The following C17orf99 variants were observed in gnomAD, a reference collection of about 807,000 sequenced individuals.
C17orf99 encodes protein IL-40.
In C17orf99, 18 loss-of-function variants were observed where a neutral mutation model predicts 22.6. That is an observed-to-expected ratio of 0.80 (90% CI 0.55 to 1.18). The LOEUF is 1.18. C17orf99 is among the 50% of genes most tolerant of loss of function. The pLI is 0.00. For synonymous variants in C17orf99, 147 were observed against 136.6 expected, an observed-to-expected ratio of 1.08 and a Z score of -0.53; for missense variants, 328 against 342.7, an observed-to-expected ratio of 0.96 and a Z score of 0.34.
rs1472932189 is a variant in C17orf99, at chr17:78,155,586, GT to G, written c.71-5368del. ...CCCGCCTTGGCCTCCCAAAGTGCTG[GT>G]ATTACGGGCCTGAGCTACTGTGCCC... On this transcript the variant is annotated intron_variant, in intron 2 of 4. Transcript: ENST00000340363. 7.2e-5 allele frequency among the ~76,000 whole-genome samples: 11 copies of G among 152,100 alleles called. No individual in the cohort carries two copies. In the East Asian group the frequency reaches 2.1e-3, roughly 29 times the overall value.
intron 2 of C17orf99, among the ~76,000 whole-genome samples, chr17:78,160,446 G>T (rs948713380): frequency 2.0e-5 from 3 of 151,104 alleles, no homozygotes; most frequent in South Asian, 4.2e-4. Context: ...TGAAGCAGGA[G>T]AATCACTTGA....
chr17:78,166,098 T>G lies in C17orf99; in HGVS notation c.*52T>G. The G allele has an allele frequency of 1.8e-6, 1 of 541,304 alleles. No individual in the cohort carries two copies. The highest frequency in any genetic ancestry group is 2.8e-6 in the Non-Finnish European group (1 of 352,268). The allele number at this position is 541,304 out of a possible 1,614,324, so 33.5% of individuals were successfully genotyped here. On this transcript the variant is annotated 3_prime_UTR_variant, in exon 5 of 5. Coordinates refer to ENST00000340363, the MANE Select transcript of C17orf99 (RefSeq NM_001163075.2). ...GGCAGAGGACTGCAGGCCATCAGCG[T>G]GCACTGTTCGTATTTGGAGTTCATG...
chr17:78,164,243 A>G lies in C17orf99; in HGVS notation c.519A>G (p.Arg173=). The change falls in exon 4 of 5, where the codon AGA becomes AGG. Residue 173 remains arginine (R), a synonymous_variant. Transcript: ENST00000340363. ...ATGGGCAGGTCCACCTGCAGCAGAG[A>G]CCATGCCACAGGCAGCCTGCCAACT... is the stretch of plus-strand genomic sequence containing the variant. ...GKDGQVHLQQ[R]PCHRQPANFS... 2 of 1,551,540 alleles carry G rather than the reference A, an allele frequency of 1.3e-6. No individual in the cohort carries two copies. Among genetic ancestry groups the G allele is most frequent in the Non-Finnish European group, 1.7e-6 (2 of 1,147,006 alleles).
At chr17:78,165,182 G>C in intron 4 of C17orf99, 1 of 994,184 alleles carries the variant, frequency 1.0e-6, no homozygotes, top group Non-Finnish European at 1.2e-6. Flanking sequence ...AGGCCTGTGT[G>C]CTCTGCCTGT....
Position 78,166,009 on chromosome 17 carries a change from A to G in C17orf99, c.761A>G (p.Asn254Ser). 1 of 1,469,158 alleles carries G rather than the reference A, an allele frequency of 6.8e-7. No individual in the cohort carries two copies. Among genetic ancestry groups the G allele is most frequent in the South Asian group, 1.4e-5 (1 of 70,756 alleles). 91.0% of individuals were successfully genotyped at this position (1,469,158 alleles called of 1,614,324 possible). A position where few individuals can be genotyped will look rare whatever the true frequency, so the allele number is the denominator to read the frequency against. The change falls in exon 5 of 5, where the codon AAT becomes AGT. Residue 254 changes from asparagine (N) to serine (S), a missense_variant. Transcript: ENST00000340363. ...GAGTTTGGGGGGTTCAGGATAGGGA[A>G]TGGGGAGGTCAGAGGACGCAAAGCA... Reference protein sequence around the residue: ...EEEFGGFRIGNGEVRGRKAAA... With the variant: ...EEEFGGFRIGSGEVRGRKAAA...
chr17:78,157,970 A>C, intron 2 of C17orf99: 1 of 1,234,108 alleles, frequency 8.1e-7, no homozygotes, highest in Non-Finnish European at 1.2e-6. Context: ...CTGCCTGTCA[A>C]CTCATAACAT....
At chr17:78,153,918 CTTTTTTT>C (rs532705146) in intron 2 of C17orf99, among the ~76,000 whole-genome samples, 11,307 of 79,794 alleles carry the variant, frequency 0.14, 560 homozygotes, top group East Asian at 0.25. Context: ...AGTATTCCTT[CTTTTTTT>C]TTTTTTTTTT....
rs960873528 is a variant in C17orf99, at chr17:78,160,916, C to T, written c.71-39C>T. 15 of 1,498,528 alleles carry T rather than the reference C, an allele frequency of 1.0e-5. No homozygotes were observed. In the Admixed American group the frequency reaches 1.0e-4, roughly 10 times the overall value. The allele number at this position is 1,498,528 out of a possible 1,614,324, so 92.8% of individuals were successfully genotyped here. On this transcript the variant is annotated intron_variant, in intron 2 of 4. Coordinates refer to ENST00000340363, the MANE Select transcript of C17orf99 (RefSeq NM_001163075.2). ...CCTTCTTAAGGTGCTTGATCAATGT[C>T]GGTTTCTTTCTTCCTCCTTGGACCT...
intron 2 of C17orf99, among the ~76,000 whole-genome samples, chr17:78,152,902 T>G (rs966870902): frequency 6.8e-6 from 1 of 146,138 alleles, no homozygotes; most frequent in Admixed American, 6.8e-5. Context: ...GCCAACATGG[T>G]GAAACCCCAT....
At chr17:78,164,500 G>A (rs1368271491) in intron 4 of C17orf99, 136 bp downstream of exon 4, 4 of 1,539,666 alleles carry the variant, frequency 2.6e-6, no homozygotes, top group Non-Finnish European at 2.6e-6. Context: ...GGCACAGGAG[G>A]CAACCATGCC....
chr17:78,148,664 C>T (rs984560253), intron 2 of C17orf99, among the ~76,000 whole-genome samples: 3 of 152,134 alleles, frequency 2.0e-5, no homozygotes, highest in East Asian at 1.9e-4. Flanking sequence ...AGCAAGGACC[C>T]GAAGGAGCCG....
Position 78,157,595 on chromosome 17 carries a change from G to A in C17orf99, c.71-3360G>A, listed in dbSNP as rs193121657. 876 of 559,946 alleles carry A rather than the reference G, an allele frequency of 1.6e-3. 2 individuals carry two copies. The highest frequency in any genetic ancestry group is 2.1e-3 in the Non-Finnish European group (735 of 342,020). The allele number at this position is 559,946 out of a possible 1,614,324, so 34.7% of individuals were successfully genotyped here. A position where few individuals can be genotyped will look rare whatever the true frequency, so the allele number is the denominator to read the frequency against. Reference sequence around the variant, plus strand: ...AGGCGGATCACAAGGTCAGGAGATCGAAACCATCCTGGCTAAAATGGTGAA... The same window carrying A: ...AGGCGGATCACAAGGTCAGGAGATCAAAACCATCCTGGCTAAAATGGTGAA... On this transcript the variant is annotated intron_variant, in intron 2 of 4. Transcript: ENST00000340363.
chr17:78,157,488 C>A (rs2075535962), intron 2 of C17orf99: 1 of 1,263,908 alleles, frequency 7.9e-7, no homozygotes, highest in East Asian at 3.1e-5. Context: ...CCAATGCAGT[C>A]CTCAGCATTG....
intron 2 of C17orf99, chr17:78,158,894 C>T (rs1478426792): frequency 6.2e-6 from 1 of 162,082 alleles, no homozygotes; most frequent in Non-Finnish European, 1.5e-5. Context: ...CTGGTCTGGT[C>T]CCCTGTTACC....
chr17:78,158,110 G>T, intron 2 of C17orf99: 2 of 891,486 alleles, frequency 2.2e-6, no homozygotes, highest in South Asian at 1.3e-5. Flanking sequence ...TTGGCAAAGA[G>T]ACTGAGCAGA....
At chr17:78,162,077 AC>A (rs996616191) in intron 3 of C17orf99, among the ~76,000 whole-genome samples, 1 of 151,714 alleles carries the variant, frequency 6.6e-6, no homozygotes, top group Non-Finnish European at 1.5e-5. Flanking sequence ...GGAGTTTGAG[AC>A]CAGTCTGGCC....
At chr17:78,159,393 C>A (rs1388020512) in intron 2 of C17orf99, among the ~76,000 whole-genome samples, 1 of 152,028 alleles carries the variant, frequency 6.6e-6, no homozygotes, top group Admixed American at 6.6e-5. Context: ...AATCCCAGCA[C>A]TTTGGGAGGC....
At chr17:78,148,975 C>G (rs1189515701) in intron 2 of C17orf99, among the ~76,000 whole-genome samples, 1 of 152,020 alleles carries the variant, frequency 6.6e-6, no homozygotes, top group African/African-American at 2.4e-5. Context: ...GACATACATT[C>G]TGGAGGCCAG....
intron 2 of C17orf99, among the ~76,000 whole-genome samples, chr17:78,152,752 A>T (rs73375767): frequency 0.46 from 69,361 of 150,630 alleles, 18,319 homozygotes; most frequent in African/African-American, 0.71. Flanking sequence ...GGATTATAGG[A>T]GTGAGCCACC....
Sources: allele counts gnomAD v4.1 joint callset (sites outside exome capture counted in the v4.1 genomes callset), GRCh38; gene constraint gnomAD v4.1.1; transcripts MANE v1.5; gene names NCBI Gene and HGNC (gene_info 2026-07-23, HGNC 2026-07-21).